FA2H: variants seen among roughly 807,000 people sequenced by gnomAD.
FA2H encodes fatty acid 2-hydroxylase, also known as fatty acid alpha-hydroxylase.
A neutral mutation model predicts 44.9 loss-of-function variants in FA2H; 22 were observed. That is an observed-to-expected ratio of 0.49 (90% CI 0.35 to 0.70). The LOEUF is 0.70. FA2H is among the 30% of genes least tolerant of loss of function. FA2H has a pLI of 0.01. For synonymous variants in FA2H, 243 were observed against 213.2 expected, an observed-to-expected ratio of 1.14 and a Z score of -1.22; for missense variants, 501 against 504.9, an observed-to-expected ratio of 0.99 and a Z score of 0.07.
intron 2 of FA2H, among the ~76,000 whole-genome samples, chr16:74,737,983 T>A (rs191841306): frequency 2.6e-5 from 4 of 152,240 alleles, no homozygotes; most frequent in East Asian, 3.9e-4. Context: ...GCACCCTTTT[T>A]TGGAAAGTCA....
intron 1 of FA2H, among the ~76,000 whole-genome samples, chr16:74,772,431 C>G (rs971422726): frequency 6.6e-6 from 1 of 152,192 alleles, no homozygotes; most frequent in African/African-American, 2.4e-5. Context: ...CTCTCCTTCC[C>G]CATTATCCCA....
intron 1 of FA2H, among the ~76,000 whole-genome samples, chr16:74,741,928 C>G (rs1962320341): frequency 6.7e-6 from 1 of 150,002 alleles, no homozygotes; most frequent in South Asian, 2.1e-4. Flanking sequence ...TTTTATAGCA[C>G]ATCATACATG....
chr16:74,769,941 G>A (rs1962875492), intron 1 of FA2H, among the ~76,000 whole-genome samples: 1 of 152,216 alleles, frequency 6.6e-6, no homozygotes, highest in Non-Finnish European at 1.5e-5. Flanking sequence ...GACTTGTTTT[G>A]TGAATGTGCC....
At chr16:74,722,432 A>G (rs1961860312) in intron 4 of FA2H, among the ~76,000 whole-genome samples, 2 of 152,134 alleles carry the variant, frequency 1.3e-5, no homozygotes, top group Non-Finnish European at 2.9e-5. Flanking sequence ...GCTACTGAGG[A>G]GGCTGAGGCA....
intron 1 of FA2H, among the ~76,000 whole-genome samples, chr16:74,750,262 A>C (rs1962504585): frequency 6.6e-6 from 1 of 152,144 alleles, no homozygotes; most frequent in Non-Finnish European, 1.5e-5. Flanking sequence ...CTCCTCACTG[A>C]CCCAACTAGT....
chr16:74,738,082 G>A lies in FA2H; in HGVS notation c.363+1941C>T, dbSNP rs184268722. On this transcript the variant is annotated intron_variant, in intron 2 of 6. Coordinates refer to ENST00000219368, the MANE Select transcript of FA2H (RefSeq NM_024306.5). ...TGTGCTGATTTTCTGGGGCGCTGAA[G>A]GGGTTCCCATGCACACCCGGGCAGG... Among the ~76,000 whole-genome samples, 905 of 152,364 alleles carry A rather than the reference G, an allele frequency of 5.9e-3. 10 individuals carry two copies. The highest frequency in any genetic ancestry group is 0.019 in the African/African-American group (793 of 41,588).
chr16:74,744,140 G>C (rs544028743), intron 1 of FA2H, among the ~76,000 whole-genome samples: 52 of 152,228 alleles, frequency 3.4e-4, no homozygotes, highest in Middle Eastern at 3.4e-3. Context: ...TCTGGGCCAC[G>C]TTTTCCAGAC....
Position 74,719,150 on chromosome 16 carries a change from C to T in FA2H, c.624G>A (p.Val208=), listed in dbSNP as rs756025962. 8.7e-6 allele frequency: 14 copies of T among 1,613,254 alleles called. No individual in the cohort carries two copies. The African/African-American group carries it at 1.5e-4, about 17-fold the overall frequency. The change falls in exon 5 of 7, where the codon GTG becomes GTA. Residue 208 remains valine, a synonymous_variant. Coordinates refer to ENST00000219368, the MANE Select transcript of FA2H (RefSeq NM_024306.5). ...CGGGGAACATGGACTTGGGCACTGC[C>T]ACCGTGTACTCTGCAGGGTGGCAGG... ...LFTSFTTEYT[V]AVPKSMFPGL...
chr16:74,713,921 C>T lies in FA2H; in HGVS notation c.*269G>A, dbSNP rs958788852. ...ACCTGTGGCCACGGCCTGAAGCAGTCCTGTGGGCTGAGCTCTAGGCAGGGA... is the reference window on the plus strand; with the variant it reads ...ACCTGTGGCCACGGCCTGAAGCAGTTCTGTGGGCTGAGCTCTAGGCAGGGA... On this transcript the variant is annotated 3_prime_UTR_variant, in exon 7 of 7. Transcript: ENST00000219368. The T allele has an allele frequency of 7.9e-6, 4 of 506,768 alleles. No individual in the cohort carries two copies. Among genetic ancestry groups the T allele is most frequent in the Non-Finnish European group, 1.4e-5 (4 of 279,128 alleles). 31.4% of individuals were successfully genotyped at this position (506,768 alleles called of 1,614,324 possible). A position where few individuals can be genotyped will look rare whatever the true frequency, so the allele number is the denominator to read the frequency against.
chr16:74,773,951 TG>T (rs1193071297), intron 1 of FA2H, among the ~76,000 whole-genome samples: 1 of 152,288 alleles, frequency 6.6e-6, no homozygotes, highest in East Asian at 1.9e-4. Context: ...ACCCCAGACA[TG>T]GCCCAGGCAA....
At position 74,766,577 on chromosome 16, in the gene FA2H, T is replaced by G. The variant is rs576007955; in HGVS notation, c.270+7909A>C. 2.0e-5 allele frequency among the ~76,000 whole-genome samples: 3 copies of G among 151,598 alleles called. No individual in the cohort carries two copies. In the South Asian group the frequency reaches 6.3e-4, roughly 32 times the overall value. On this transcript the variant is annotated intron_variant, in intron 1 of 6. Coordinates refer to ENST00000219368, the MANE Select transcript of FA2H (RefSeq NM_024306.5). ...CCTGCCCAAGAGACTGCGACAATAG[T>G]GAGTGTAGCGAGGCTCTAGCCAAAC...
At chr16:74,735,099 A>T (rs1044890118) in intron 2 of FA2H, among the ~76,000 whole-genome samples, 5 of 152,196 alleles carry the variant, frequency 3.3e-5, no homozygotes, top group Admixed American at 3.3e-4. Flanking sequence ...CTTTTGACAG[A>T]TGAGAAGACA....
chr16:74,774,547 G>C lies in FA2H; in HGVS notation c.209C>G (p.Ser70Trp). Residue 70 changes from serine to tryptophan, a missense_variant, in exon 1 of 7, where the codon TCG becomes TGG. Coordinates refer to ENST00000219368, the MANE Select transcript of FA2H (RefSeq NM_024306.5). ...CTCCAGCCAGCGGCGCGCGTTGGCC[G>C]AGTGCCTGTGCGGCGGCCCGTCCAG... ...ADLDGPPHRH[S>W]ANARRWLEQY... is the part of the protein sequence containing the mutation. The C allele has an allele frequency of 6.5e-7, 1 of 1,545,658 alleles. No homozygotes were observed. Among genetic ancestry groups the C allele is most frequent in the Non-Finnish European group, 8.7e-7 (1 of 1,155,978 alleles).
At chr16:74,761,909 C>A (rs7206186) in intron 1 of FA2H, among the ~76,000 whole-genome samples, 27 of 152,120 alleles carry the variant, frequency 1.8e-4, no homozygotes, top group Non-Finnish European at 4.4e-5. Context: ...AAGGAAGAAG[C>A]CTTTCAAAAG....
intron 1 of FA2H, among the ~76,000 whole-genome samples, chr16:74,746,373 T>C (rs1380446370): frequency 1.1e-5 from 1 of 89,638 alleles, no homozygotes; most frequent in Non-Finnish European, 2.5e-5. Context: ...ATTATTATTA[T>C]TATTATTTTT....
chr16:74,753,011 G>A lies in FA2H; in HGVS notation c.271-12896C>T, dbSNP rs377568753. The stretch of plus-strand genomic sequence containing the variant: ...AGCAGCTCAGGTTCTGAAAACACCC[G>A]TCCCTCACCACCTAGCAGAGACCCA... On this transcript the variant is annotated intron_variant, in intron 1 of 6. Transcript: ENST00000219368. Among the ~76,000 whole-genome samples the A allele has an allele frequency of 6.6e-5, 10 of 152,200 alleles. No homozygotes were observed. In the East Asian group the frequency reaches 1.7e-3, roughly 26 times the overall value.
chr16:74,769,006 G>A (rs1009553499), intron 1 of FA2H, among the ~76,000 whole-genome samples: 3 of 152,130 alleles, frequency 2.0e-5, no homozygotes, highest in African/African-American at 7.2e-5. Context: ...AGGATTGGTG[G>A]GGCATGGGGG....
At chr16:74,760,484 C>A (rs1962688744) in intron 1 of FA2H, among the ~76,000 whole-genome samples, 1 of 152,228 alleles carries the variant, frequency 6.6e-6, no homozygotes, top group African/African-American at 2.4e-5. Flanking sequence ...CTGACCCACA[C>A]TCCCTCACCC....
rs75856125 is a variant in FA2H at position 74,714,156 on chromosome 16, C to G, written c.*34G>C. The G allele has an allele frequency of 1.4e-6, 2 of 1,428,696 alleles. No homozygotes were observed. Among genetic ancestry groups the G allele is most frequent in the African/African-American group, 1.4e-5 (1 of 70,524 alleles). 88.5% of individuals were successfully genotyped at this position (1,428,696 alleles called of 1,614,324 possible). On this transcript the variant is annotated 3_prime_UTR_variant, in exon 7 of 7. Coordinates refer to ENST00000219368, the MANE Select transcript of FA2H (RefSeq NM_024306.5). ...GTGGGGGTCGGGAAGGGGCCAGGGC[C>G]GGGCTGAGGGCAGGACGGAGGGGGT...
Sources: gnomAD v4.1 joint callset for allele counts (sites outside exome capture counted in the v4.1 genomes callset) on GRCh38, gnomAD v4.1.1 for gene constraint, MANE v1.5 for transcripts, NCBI Gene and HGNC (gene_info 2026-07-23, HGNC 2026-07-21) for gene names.